RGPD3: variants seen among roughly 807,000 people sequenced by gnomAD.
RGPD3 encodes the protein ranBP2-like and GRIP domain-containing protein 3.
In RGPD3, 62 loss-of-function variants were observed where a neutral mutation model predicts 154.5. The observed-to-expected ratio is 0.40, with a 90% CI of 0.33 to 0.50. RGPD3 has a LOEUF of 0.50. Ranked by LOEUF, RGPD3 falls within the 20% of genes least tolerant of loss-of-function variation. The pLI is 0.59. For missense variants in RGPD3, 919 were observed against 1,716.8 expected, an observed-to-expected ratio of 0.54 and a Z score of 8.21; for synonymous variants, 308 against 607.0, an observed-to-expected ratio of 0.51 and a Z score of 7.24.
At chr2:106,444,854 C>T (rs553633706) in intron 7 of RGPD3, among the ~76,000 whole-genome samples, 2 of 141,084 alleles carry the variant, frequency 1.4e-5, no homozygotes, top group East Asian at 4.3e-4. Context: ...TGCGCAGTAG[C>T]TCACACCTAT....
chr2:106,424,011 T>A lies in RGPD3; in HGVS notation c.3956A>T (p.Asp1319Val). 6.2e-7 allele frequency: 1 copy of A among 1,611,784 alleles called. No homozygotes were observed. Among genetic ancestry groups the A allele is most frequent in the South Asian group, 1.1e-5 (1 of 90,972 alleles). The change falls in exon 20 of 23, where the codon GAT (aspartate) becomes GTT (valine). Residue 1319 changes from aspartate (D) to valine (V), a missense_variant. Asp to Val is a radical substitution (Grantham distance 152). Coordinates refer to ENST00000409886, the MANE Select transcript of RGPD3 (RefSeq NM_001144013.2). ...TTCTTGAGTAACATCAGATTCTTCA[T>A]CAGTGCCAACTGAAGTCCCACTCTG... ...LNQSGTSVGTDEESDVTQEEE... is the reference protein window; with the variant it reads ...LNQSGTSVGTVEESDVTQEEE...
chr2:106,418,572 T>C (rs1164314112), intron 20 of RGPD3, among the ~76,000 whole-genome samples: 3 of 151,884 alleles, frequency 2.0e-5, no homozygotes, highest in East Asian at 3.9e-4. Context: ...AACTGTAAAG[T>C]GTTATTTTTT....
chr2:106,446,562 T>C (rs1219711890), intron 7 of RGPD3, among the ~76,000 whole-genome samples: 2 of 53,208 alleles, frequency 3.8e-5, no homozygotes, highest in African/African-American at 1.6e-4. Context: ...AGAGCGAGAC[T>C]CCATCTCAAA....
chr2:106,405,607 C>T (rs1676492496), intron 22 of RGPD3, among the ~76,000 whole-genome samples: 1 of 152,204 alleles, frequency 6.6e-6, no homozygotes, highest in African/African-American at 2.4e-5. Flanking sequence ...AATTCCTGGG[C>T]TCAAGTGATC....
At chr2:106,461,437 T>A (rs1035209146) in intron 1 of RGPD3, among the ~76,000 whole-genome samples, 42 of 152,338 alleles carry the variant, frequency 2.8e-4, no homozygotes, top group Non-Finnish European at 1.2e-4. Flanking sequence ...ATGAATATGT[T>A]GGACAAAGGG....
chr2:106,466,899 C>G (rs1678622766), intron 1 of RGPD3, among the ~76,000 whole-genome samples: 2 of 107,398 alleles, frequency 1.9e-5, no homozygotes, highest in Non-Finnish European at 4.0e-5. Context: ...CGGGTCGAGG[C>G]CGCCGCCTCC....
At position 106,403,987 on chromosome 2, in the gene RGPD3, AACAAC is replaced by A. The variant is rs1393800234; in HGVS notation, c.*1227_*1231del. ...AAAATTATCCAATTTTTGATTTAAGAACAACACAGTTTGGATCTAGTCATTAAAAC... is the reference window on the plus strand; with the variant it reads ...AAAATTATCCAATTTTTGATTTAAGAACAGTTTGGATCTAGTCATTAAAAC... On this transcript the variant is annotated 3_prime_UTR_variant, in exon 23 of 23. Coordinates refer to ENST00000409886, the MANE Select transcript of RGPD3 (RefSeq NM_001144013.2). Among the ~76,000 whole-genome samples, 1 of 152,232 alleles carries A rather than the reference AACAAC, an allele frequency of 6.6e-6. No individual in the cohort carries two copies. Among genetic ancestry groups the A allele is most frequent in the Admixed American group, 6.5e-5 (1 of 15,282 alleles).
At position 106,415,877 on chromosome 2, in the gene RGPD3, G is replaced by C. The variant is rs776631103; in HGVS notation, c.5037C>G (p.Thr1679=). The C allele has an allele frequency of 5.0e-6, 8 of 1,611,850 alleles. No individual in the cohort carries two copies. The highest frequency in any genetic ancestry group is 6.8e-6 in the Non-Finnish European group (8 of 1,179,840). ...TAATTTGCTCCATAAGGACTGCATT[G>C]GTTGCCTCTATTTCCCGAAGCAGGC... ...LNGLLREIEA[T]NAVLMEQIKL... The change falls in exon 21 of 23, where the codon ACC becomes ACG. Residue 1679 remains threonine, a synonymous_variant. Coordinates refer to ENST00000409886, the MANE Select transcript of RGPD3 (RefSeq NM_001144013.2).
Position 106,424,696 on chromosome 2 carries a change from C to T in RGPD3, c.3271G>A (p.Glu1091Lys), listed in dbSNP as rs754615829. The T allele has an allele frequency of 6.3e-5, 101 of 1,611,852 alleles. No individual in the cohort carries two copies. Among genetic ancestry groups the T allele is most frequent in the Middle Eastern group, 4.5e-4 (2 of 4,452 alleles). Residue 1091 changes from glutamate to lysine, a missense_variant, in exon 20 of 23, where the codon GAG becomes AAG. Transcript: ENST00000409886. The part of the protein sequence containing the change: ...GLGNLKILKN[E>K]VNGKVRMLMQ... ...AGCATTCTTACTTTGCCATTGACCT[C>T]GTTTTTGAGAATTTTTAAGTTCCCC...
In RGPD3 at chr2:106,468,222, G is replaced by A. The variant is rs780182038; in HGVS notation, c.67C>T (p.Arg23Ter). ...TCTCTTCCAGACCCACTCACCTTTC[G>A]AGGCGACGGGGCGGAGCCCTGCACC... Reference protein sequence around the residue: ...ASVQGSAPSPRKKSTRGFYFA... With the variant: ...ASVQGSAPSP Residue 23 changes from arginine to a stop codon, truncating the protein, a stop_gained, in exon 1 of 23, where the codon CGA becomes TGA. Coordinates refer to ENST00000409886, the MANE Select transcript of RGPD3 (RefSeq NM_001144013.2). LOFTEE classifies it high-confidence loss of function. 5.0e-6 allele frequency: 8 copies of A among 1,605,392 alleles called. No individual in the cohort carries two copies. The highest frequency in any genetic ancestry group is 4.5e-4 in the Middle Eastern group (2 of 4,454).
intron 22 of RGPD3, among the ~76,000 whole-genome samples, chr2:106,406,895 C>T (rs1027142027): frequency 2.6e-4 from 39 of 152,274 alleles, no homozygotes; most frequent in African/African-American, 8.4e-4. Context: ...AGAGTTAAAG[C>T]CATTTTATTT....
At chr2:106,412,274 C>A (rs1394021263) in intron 22 of RGPD3, among the ~76,000 whole-genome samples, 10 of 120,664 alleles carry the variant, frequency 8.3e-5, no homozygotes, top group Admixed American at 2.9e-4. Context: ...ACATGGAAAC[C>A]AACTCTAACT....
At chr2:106,427,885 G>GT (rs1677253032) in intron 18 of RGPD3, among the ~76,000 whole-genome samples, 1 of 10,054 alleles carries the variant, frequency 9.9e-5, no homozygotes, top group African/African-American at 3.4e-4. Flanking sequence ...TAGTAACATG[G>GT]TAACAATCTC....
intron 6 of RGPD3, among the ~76,000 whole-genome samples, chr2:106,448,796 T>G (rs2104500041): frequency 6.6e-6 from 1 of 152,072 alleles, no homozygotes; most frequent in Non-Finnish European, 1.5e-5. Flanking sequence ...GTTCAAGCGA[T>G]TCTTCTGCCT....
chr2:106,423,988 C>T lies in RGPD3; in HGVS notation c.3979G>A (p.Glu1327Lys), dbSNP rs1677094220. The part of the protein sequence containing the change: ...GTDEESDVTQ[E>K]EERDGQYFEP... ...AAGTACTGTCCATCTCTCTCTTCTT[C>T]TTGAGTAACATCAGATTCTTCATCA... The change falls in exon 20 of 23, where the codon GAA (glutamate) becomes AAA (lysine). Residue 1327 changes from glutamate (E) to lysine (K), a missense_variant. Glu to Lys is a moderately conservative substitution (Grantham distance 56). Transcript: ENST00000409886. 1.2e-6 allele frequency: 2 copies of T among 1,611,800 alleles called. No homozygotes were observed. Among genetic ancestry groups the T allele is most frequent in the African/African-American group, 1.3e-5 (1 of 74,908 alleles).
chr2:106,452,583 GT>G, intron 5 of RGPD3, 112 bp downstream of exon 5: 2 of 610,208 alleles, frequency 3.3e-6, no homozygotes, highest in East Asian at 2.7e-5. Context: ...TTTTATAACT[GT>G]TCTACCTAAA....
chr2:106,467,089 C>A (rs1199371177), intron 1 of RGPD3, among the ~76,000 whole-genome samples: 11 of 111,390 alleles, frequency 9.9e-5, no homozygotes, highest in Non-Finnish European at 1.4e-4. Flanking sequence ...CCATCGAGGC[C>A]GCCGCAGGGC....
rs1020402784 is a variant in RGPD3 at position 106,415,306 on chromosome 2, T to C, written c.5064+544A>G. On this transcript the variant is annotated intron_variant, in intron 21 of 22. Transcript: ENST00000409886. ...ATATGTGAACAATGATTTGTGAACA[T>C]CTCTCTAGTTTCTAAATCTATTACG... Among the ~76,000 whole-genome samples the C allele has an allele frequency of 4.0e-5, 6 of 151,786 alleles. No individual in the cohort carries two copies. The South Asian group carries it at 6.3e-4, about 16-fold the overall frequency.
chr2:106,428,683 A>AAG (rs200988503), intron 18 of RGPD3, among the ~76,000 whole-genome samples: 13 of 151,982 alleles, frequency 8.6e-5, no homozygotes, highest in African/African-American at 2.4e-4. Context: ...CTGGGCTAAA[A>AAG]AGAGAGAGAG....
Sources: allele counts gnomAD v4.1 joint callset (sites outside exome capture counted in the v4.1 genomes callset), GRCh38; gene constraint gnomAD v4.1.1; transcripts MANE v1.5; gene names NCBI Gene and HGNC (gene_info 2026-07-23, HGNC 2026-07-21).